TENM3: variants seen among roughly 807,000 people sequenced by gnomAD.
TENM3 encodes teneurin transmembrane protein 3.
In TENM3, 63 loss-of-function variants were observed where a neutral mutation model predicts 255.1. That is an observed-to-expected ratio of 0.25 (90% CI 0.20 to 0.30). The LOEUF (loss-of-function observed/expected upper bound fraction) is 0.30. TENM3 is among the 10% of genes least tolerant of loss of function. TENM3 has a pLI of 1.00. For synonymous variants in TENM3, 1,306 were observed against 1,322.3 expected (o/e 0.99, Z 0.27); for missense variants, 2,929 against 3,461.1 (o/e 0.85, Z 3.86).
the TENM3 span, among the ~76,000 whole-genome samples, chr4:181,700,421 A>C: frequency 6.6e-6 from 1 of 152,222 alleles, no homozygotes; most frequent in Non-Finnish European, 1.5e-5. Flanking sequence ...AATTTGTAGA[A>C]TATAAGGGGA....
chr4:181,623,048 G>A, the TENM3 span, among the ~76,000 whole-genome samples: 2 of 152,020 alleles, frequency 1.3e-5, no homozygotes, highest in Non-Finnish European at 2.9e-5. Flanking sequence ...TAACTTTTCA[G>A]ACAAATCTAT....
At chr4:182,569,466 A>G (rs1173936318) in intron 3 of TENM3, among the ~76,000 whole-genome samples, 4 of 151,988 alleles carry the variant, frequency 2.6e-5, no homozygotes, top group Non-Finnish European at 4.4e-5. Context: ...AGGCAGGAGA[A>G]TGGCTTGAAC....
chr4:181,460,739 C>A, the TENM3 span, among the ~76,000 whole-genome samples: 2 of 146,104 alleles, frequency 1.4e-5, no homozygotes, highest in African/African-American at 5.0e-5. Context: ...TTACCACATA[C>A]TCAGTAACAT....
chr4:181,694,644 T>C, the TENM3 span, among the ~76,000 whole-genome samples: 16 of 152,312 alleles, frequency 1.1e-4, no homozygotes, highest in African/African-American at 3.8e-4. Context: ...TGTTTATGAC[T>C]AAAAGGTCTG....
At chr4:182,349,827 C>A in intron 3 of TENM3, 1 of 358,798 alleles carries the variant, frequency 2.8e-6, no homozygotes, top group Non-Finnish European at 5.5e-6. Flanking sequence ...CTCTTTTATT[C>A]ATTTTTATAC....
At chr4:182,731,667 A>G (rs1235772309) in intron 16 of TENM3, among the ~76,000 whole-genome samples, 1 of 150,308 alleles carries the variant, frequency 6.7e-6, no homozygotes, top group Non-Finnish European at 1.5e-5. Context: ...AAATAATTCT[A>G]TAGAATGAAT....
chr4:182,031,073 C>G, the TENM3 span, among the ~76,000 whole-genome samples: 1 of 152,204 alleles, frequency 6.6e-6, no homozygotes, highest in Admixed American at 6.5e-5. Flanking sequence ...TTGCATTTGT[C>G]AATTTTTGCT....
intron 3 of TENM3, among the ~76,000 whole-genome samples, chr4:182,381,890 GATGTT>G (rs1360525461): frequency 6.6e-6 from 1 of 152,182 alleles, no homozygotes; most frequent in Non-Finnish European, 1.5e-5. Context: ...ATGAAGAGCT[GATGTT>G]ATTTATCCAA....
At chr4:182,783,853 C>T (rs1765386891) in intron 24 of TENM3, among the ~76,000 whole-genome samples, 1 of 151,944 alleles carries the variant, frequency 6.6e-6, no homozygotes, top group Admixed American at 6.6e-5. Context: ...CGCATCGGCT[C>T]CTGAGGCTTC....
chr4:181,920,322 A>G, the TENM3 span, among the ~76,000 whole-genome samples: 2 of 151,908 alleles, frequency 1.3e-5, no homozygotes, highest in African/African-American at 4.8e-5. Flanking sequence ...GACTTCCACA[A>G]TGGTTGAACT....
chr4:182,093,398 A>G, the TENM3 span, among the ~76,000 whole-genome samples: 1 of 150,402 alleles, frequency 6.6e-6, no homozygotes, highest in Non-Finnish European at 1.5e-5. Context: ...TAAATCCCCA[A>G]ACCAAAATTC....
chr4:182,533,505 C>T (rs991700330), intron 3 of TENM3, among the ~76,000 whole-genome samples: 1 of 149,364 alleles, frequency 6.7e-6, no homozygotes, highest in East Asian at 2.0e-4. Context: ...CACCACTGCA[C>T]TCCTGCCTGG....
At chr4:181,954,926 C>A in the TENM3 span, among the ~76,000 whole-genome samples, 1 of 152,122 alleles carries the variant, frequency 6.6e-6, no homozygotes, top group African/African-American at 2.4e-5. Context: ...CATATATATA[C>A]ACTTATACAC....
chr4:182,006,534 CT>C, the TENM3 span, among the ~76,000 whole-genome samples: 1 of 152,044 alleles, frequency 6.6e-6, no homozygotes, highest in Non-Finnish European at 1.5e-5. Flanking sequence ...TTAGTATTCT[CT>C]GATGGTAGTT....
At chr4:182,194,680 C>A (rs1339101938) in intron 1 of TENM3, among the ~76,000 whole-genome samples, 1 of 152,098 alleles carries the variant, frequency 6.6e-6, no homozygotes, top group East Asian at 1.9e-4. Context: ...CAATAGTCTT[C>A]CTTGGGTGTG....
chr4:182,114,485 G>A, the TENM3 span, among the ~76,000 whole-genome samples: 11 of 149,708 alleles, frequency 7.3e-5, no homozygotes, highest in East Asian at 1.8e-3. Flanking sequence ...TTTCTTCTTC[G>A]CCACAATCCA....
chr4:181,781,271 A>G, the TENM3 span, among the ~76,000 whole-genome samples: 7 of 152,282 alleles, frequency 4.6e-5, no homozygotes, highest in South Asian at 4.1e-4. Flanking sequence ...ATGTTCTTCC[A>G]TTTGTTTGTG....
At chr4:182,758,132 C>G (rs560313211) in intron 22 of TENM3, among the ~76,000 whole-genome samples, 4 of 152,276 alleles carry the variant, frequency 2.6e-5, no homozygotes, top group Non-Finnish European at 5.9e-5. Context: ...TAAAAAATGT[C>G]TAAGAAACCT....
chr4:181,528,898 C>T, the TENM3 span, among the ~76,000 whole-genome samples: 1 of 152,140 alleles, frequency 6.6e-6, no homozygotes, highest in African/African-American at 2.4e-5. Flanking sequence ...CACACACACA[C>T]ACGTGTATAT....
Sources: gnomAD v4.1 joint callset for allele counts (sites outside exome capture counted in the v4.1 genomes callset) on GRCh38, gnomAD v4.1.1 for gene constraint, MANE v1.5 for transcripts, NCBI Gene and HGNC (gene_info 2026-07-23, HGNC 2026-07-21) for gene names.